The following CASR variants were observed in gnomAD, a reference collection of about 807,000 sequenced individuals.
CASR encodes calcium sensing receptor.
CASR carries 23 observed loss-of-function variants against 69.1 expected under a neutral mutation model. The ratio of observed to expected loss-of-function variants is 0.33; its 90% CI spans 0.24 to 0.47. CASR has a LOEUF of 0.47. Ranked by LOEUF, CASR falls within the 20% of genes least tolerant of loss-of-function variation. The pLI, the probability that CASR is intolerant of heterozygous loss-of-function variation, is 1.00. For missense variants in CASR, 924 were observed against 1,356.1 expected (o/e 0.68, Z 5.00); for synonymous variants, 541 against 544.7 (o/e 0.99, Z 0.10).
At chr3:122,198,295 A>G (rs1465795353) in intron 1 of CASR, among the ~76,000 whole-genome samples, 1 of 152,246 alleles carries the variant, frequency 6.6e-6, no homozygotes, top group East Asian at 1.9e-4. Context: ...AGTAATTGAA[A>G]TGTTATTTGT....
chr3:122,274,261 G>A (rs1468703826), intron 4 of CASR, among the ~76,000 whole-genome samples: 1 of 152,216 alleles, frequency 6.6e-6, no homozygotes, highest in African/African-American at 2.4e-5. Flanking sequence ...AGGCACCCAG[G>A]GTGCTATGCC....
intron 5 of CASR, among the ~76,000 whole-genome samples, chr3:122,279,853 A>G (rs2074866733): frequency 6.6e-6 from 1 of 152,150 alleles, no homozygotes; most frequent in South Asian, 2.1e-4. Flanking sequence ...GGTTTATTAC[A>G]TAGGTAAATG....
chr3:122,238,870 C>T (rs9825895), intron 1 of CASR, among the ~76,000 whole-genome samples: 225 of 152,248 alleles, frequency 1.5e-3, no homozygotes, highest in African/African-American at 5.2e-3. Flanking sequence ...CTAGTCCTGA[C>T]AGAATATATC....
chr3:122,204,603 G>A (rs191904337), intron 1 of CASR, among the ~76,000 whole-genome samples: 4 of 152,250 alleles, frequency 2.6e-5, no homozygotes, highest in Admixed American at 6.5e-5. Context: ...TAGTGGAATT[G>A]TTAGATCATA....
intron 1 of CASR, among the ~76,000 whole-genome samples, chr3:122,253,298 A>G (rs34557876): frequency 0.021 from 3,167 of 152,212 alleles, 99 homozygotes; most frequent in African/African-American, 0.073. Context: ...CTGGAGTGCA[A>G]TGGCACGATC....
At position 122,275,849 on chromosome 3, in the gene CASR, A is replaced by G; in HGVS notation, c.1415A>G (p.Asn472Ser). 6.2e-7 allele frequency: 1 copy of G among 1,614,094 alleles called. No homozygotes were observed. Among genetic ancestry groups the G allele is most frequent in the South Asian group, 1.1e-5 (1 of 91,066 alleles). ...CTACGGCATCTAAACTTTACAAACA[A>G]TATGGGGGAGCAGGTGACCTTTGAT... ...KHLRHLNFTN[N>S]MGEQVTFDEC... Residue 472 changes from asparagine (N) to serine (S), a missense_variant, in exon 5 of 7, where the codon AAT becomes AGT. By Grantham distance (46) the Asn-to-Ser change is conservative. Around this residue, in one of 8 missense-constraint regions of CASR, gnomAD observed 310 missense variants for 395.7 expected, o/e 0.78. Transcript: ENST00000639785.
Position 122,284,774 on chromosome 3 carries a change from G to T in CASR, c.2820G>T (p.Gln940His). The T allele has an allele frequency of 6.2e-7, 1 of 1,614,132 alleles. No homozygotes were observed. The highest frequency in any genetic ancestry group is 8.5e-7 in the Non-Finnish European group (1 of 1,180,028). The change falls in exon 7 of 7, where the codon CAG (glutamine) becomes CAT (histidine). Residue 940 changes from glutamine to histidine, a missense_variant. By Grantham distance (24) the Gln-to-His change is conservative (BLOSUM62 0). This residue lies in a region of CASR where 201 missense variants were observed against 228.8 expected (regional missense o/e 0.88). Coordinates refer to ENST00000639785, the MANE Select transcript of CASR (RefSeq NM_000388.4). ...QKQQQPLALT[Q>H]QEQQQQPLTL... ...AGCAGCAGCCGCTGGCCCTAACCCA[G>T]CAAGAGCAGCAGCAGCAGCCCCTGA...
At chr3:122,242,937 T>G (rs2074392419) in intron 1 of CASR, among the ~76,000 whole-genome samples, 1 of 152,142 alleles carries the variant, frequency 6.6e-6, no homozygotes, top group African/African-American at 2.4e-5. Flanking sequence ...GACTGTCTCT[T>G]CAATAAATGG....
rs770651757 is a variant in CASR at position 122,261,638 on chromosome 3, C to T, written c.603C>T (p.Ile201=). Residue 201 remains isoleucine (I), a synonymous_variant, in exon 4 of 7, where the codon ATC becomes ATT. Coordinates refer to ENST00000639785, the MANE Select transcript of CASR (RefSeq NM_000388.4). The part of the protein sequence containing the change: ...EHQATAMADI[I]EYFRWNWVGT... ...AGGCCACTGCCATGGCAGACATCAT[C>T]GAGTATTTCCGCTGGAACTGGGTGG... is the stretch of plus-strand genomic sequence containing the variant. 3.7e-6 allele frequency: 6 copies of T among 1,614,048 alleles called. No homozygotes were observed. Among genetic ancestry groups the T allele is most frequent in the South Asian group, 1.1e-5 (1 of 91,080 alleles).
At chr3:122,212,651 T>C (rs929055004) in intron 1 of CASR, among the ~76,000 whole-genome samples, 2 of 152,218 alleles carry the variant, frequency 1.3e-5, no homozygotes, top group South Asian at 4.1e-4. Context: ...CAATTTTTTT[T>C]TTTTTTTGAG....
chr3:122,227,861 G>A (rs575354928), intron 1 of CASR, among the ~76,000 whole-genome samples: 2 of 152,302 alleles, frequency 1.3e-5, no homozygotes, highest in Non-Finnish European at 2.9e-5. Flanking sequence ...ACCTGTATGT[G>A]TACTCCCTGA....
rs1048505521 is a variant in CASR at position 122,285,315 on chromosome 3, G to A, written c.*124G>A. On this transcript the variant is annotated 3_prime_UTR_variant, in exon 7 of 7. Transcript: ENST00000639785. ...GGATAATAGACACATCAAATGCCCC[G>A]AATTTAGTCACACCATCTTAAATGA... 2 of 836,442 alleles carry A rather than the reference G, an allele frequency of 2.4e-6. No individual in the cohort carries two copies. Among genetic ancestry groups the A allele is most frequent in the African/African-American group, 1.7e-5 (1 of 59,962 alleles). 51.8% of individuals were successfully genotyped at this position (836,442 alleles called of 1,614,324 possible).
chr3:122,207,732 C>T (rs552846998), intron 1 of CASR, among the ~76,000 whole-genome samples: 9 of 152,218 alleles, frequency 5.9e-5, no homozygotes, highest in Admixed American at 3.3e-4. Context: ...AGAAAGACTT[C>T]AATGGTTCAT....
At chr3:122,280,760 G>C (rs1187342114) in intron 5 of CASR, among the ~76,000 whole-genome samples, 1 of 152,106 alleles carries the variant, frequency 6.6e-6, no homozygotes, top group East Asian at 1.9e-4. Flanking sequence ...CTACTTTACT[G>C]CTTTCTGTGT....
In CASR at chr3:122,234,659, AGCAG is replaced by A. The variant is rs557265756; in HGVS notation, c.-242-19286_-242-19283del. ...AGAGTTATTTGTAAGGCCTCTGTAT[AGCAG>A]GCTGACCCTAGTCATCTCTTACCCT... On this transcript the variant is annotated intron_variant, in intron 1 of 6. Transcript: ENST00000639785. Among the ~76,000 whole-genome samples the A allele has an allele frequency of 2.0e-4, 31 of 152,364 alleles. No individual in the cohort carries two copies. The South Asian group carries it at 6.4e-3, about 32-fold the overall frequency.
At chr3:122,252,450 A>AAGAAAGAAAGAAAGAAAG (rs1553765694) in intron 1 of CASR, among the ~76,000 whole-genome samples, 3 of 100,536 alleles carry the variant, frequency 3.0e-5, no homozygotes, top group Non-Finnish European at 2.1e-5. Context: ...AGAAAGAAAA[A>AAGAAAGAAAGAAAGAAAG]AAAGAAAAGA....
chr3:122,193,408 G>A (rs777588692), intron 1 of CASR, among the ~76,000 whole-genome samples: 1 of 152,002 alleles, frequency 6.6e-6, no homozygotes, highest in Non-Finnish European at 1.5e-5. Context: ...ATAGAGACAG[G>A]ATTTCACCAT....
At chr3:122,189,673 T>A (rs1362778633) in intron 1 of CASR, among the ~76,000 whole-genome samples, 1 of 152,162 alleles carries the variant, frequency 6.6e-6, no homozygotes, top group Non-Finnish European at 1.5e-5. Flanking sequence ...ATAGAAAAAT[T>A]GAGTAATTTG....
At chr3:122,220,837 G>C (rs544509330) in intron 1 of CASR, among the ~76,000 whole-genome samples, 1 of 152,246 alleles carries the variant, frequency 6.6e-6, no homozygotes, top group African/African-American at 2.4e-5. Flanking sequence ...AGCTGGCTGT[G>C]GTGGCAGGCA....
Sources: gnomAD v4.1 joint callset for allele counts (sites outside exome capture counted in the v4.1 genomes callset) on GRCh38, gnomAD v4.1.1 for gene constraint, gnomAD v4.1.1 regional missense constraint, MANE v1.5 for transcripts, NCBI Gene and HGNC (gene_info 2026-07-23, HGNC 2026-07-21) for gene names.